FGFR1OP2: variants seen among roughly 807,000 people sequenced by gnomAD.
The protein encoded by FGFR1OP2 is FGFR1 oncogene partner 2, also known as fibroblast growth factor receptor 1 oncogene partner 2.
FGFR1OP2 carries 17 observed loss-of-function variants against 35.2 expected under a neutral mutation model. That is an observed-to-expected ratio of 0.48 (90% CI 0.33 to 0.73). FGFR1OP2 has a LOEUF of 0.73. Ranked by LOEUF, FGFR1OP2 falls within the 30% of genes least tolerant of loss-of-function variation. FGFR1OP2 has a pLI of 0.02. For missense variants in FGFR1OP2, 251 were observed against 307.3 expected, an observed-to-expected ratio of 0.82 and a Z score of 1.37; for synonymous variants, 105 against 104.6, an observed-to-expected ratio of 1.00 and a Z score of -0.03.
Position 26,938,496 on chromosome 12 carries a change from CGGTCGGCGGA to C in FGFR1OP2, c.-225_-216del, listed in dbSNP as rs1266521711. 3.9e-5 allele frequency: 6 copies of C among 152,302 alleles called. No homozygotes were observed. The highest frequency in any genetic ancestry group is 1.2e-4 in the African/African-American group (5 of 41,454). The allele number at this position is 152,302 out of a possible 1,614,324, so 9.4% of individuals were successfully genotyped here. A position where few individuals can be genotyped will look rare whatever the true frequency, so the allele number is the denominator to read the frequency against. ...GTTCTCCGGGAGCGCCGGTCGGAGG[CGGTCGGCGGA>C]GGTGTCTACCCCGCCGGTGATGGCG... is the stretch of plus-strand genomic sequence containing the variant. On this transcript the variant is annotated 5_prime_UTR_variant, in exon 1 of 7. Transcript: ENST00000229395.
chr12:26,960,735 G>T, intron 5 of FGFR1OP2, 107 bp downstream of exon 5: 3 of 1,422,516 alleles, frequency 2.1e-6, no homozygotes, highest in Non-Finnish European at 1.9e-6. Context: ...GCAAATAAAT[G>T]AAATTTATTA....
chr12:26,959,081 T>C (rs1939065727), intron 4 of FGFR1OP2, among the ~76,000 whole-genome samples: 1 of 152,110 alleles, frequency 6.6e-6, no homozygotes, highest in Admixed American at 6.5e-5. Context: ...ATTAATTCTA[T>C]TAGAATTAAA....
At chr12:26,964,364 TTAAG>T (rs1447446689) in intron 6 of FGFR1OP2, among the ~76,000 whole-genome samples, 10 of 152,174 alleles carry the variant, frequency 6.6e-5, no homozygotes, top group South Asian at 2.1e-4. Flanking sequence ...TTATAGCTGC[TTAAG>T]TAAGAAGGCT....
intron 1 of FGFR1OP2, among the ~76,000 whole-genome samples, chr12:26,943,192 T>C (rs1000167621): frequency 6.6e-6 from 1 of 152,228 alleles, no homozygotes; most frequent in African/African-American, 2.4e-5. Flanking sequence ...CACCATTTGT[T>C]GAAAAAAGCC....
chr12:26,954,780 C>T lies in FGFR1OP2; in HGVS notation c.135+487C>T, dbSNP rs142117545. On this transcript the variant is annotated intron_variant, in intron 2 of 6. Coordinates refer to ENST00000229395, the MANE Select transcript of FGFR1OP2 (RefSeq NM_015633.3). ...CTACCTTATTTTTCATTCAGTGCTA[C>T]CAATTAAAGAATACATAAGGGCTTT... is the stretch of plus-strand genomic sequence containing the variant. Among the ~76,000 whole-genome samples the T allele has an allele frequency of 4.2e-3, 646 of 152,236 alleles. 8 individuals carry two copies. The highest frequency in any genetic ancestry group is 0.014 in the African/African-American group (602 of 41,528).
intron 1 of FGFR1OP2, among the ~76,000 whole-genome samples, chr12:26,939,751 G>A (rs750688185): frequency 7.2e-5 from 11 of 152,164 alleles, no homozygotes; most frequent in Non-Finnish European, 1.6e-4. Flanking sequence ...GGTCTGTCTG[G>A]AATCATGTCT....
At chr12:26,947,931 A>G (rs12582211) in intron 1 of FGFR1OP2, among the ~76,000 whole-genome samples, 9,242 of 152,070 alleles carry the variant, frequency 0.061, 438 homozygotes, top group East Asian at 0.2. Flanking sequence ...GGGTTATTGA[A>G]CACTTTTTAA....
At chr12:26,960,135 T>TTAATA (rs765504814) in intron 4 of FGFR1OP2, among the ~76,000 whole-genome samples, 1 of 151,988 alleles carries the variant, frequency 6.6e-6, no homozygotes, top group African/African-American at 2.4e-5. Context: ...AGTATGGTAT[T>TTAATA]GTAGGGTGTG....
At chr12:26,964,540 ATGT>A in intron 6 of FGFR1OP2, 53 bp from the exon 7 acceptor site, 2 of 1,570,436 alleles carry the variant, frequency 1.3e-6, no homozygotes, top group Non-Finnish European at 1.7e-6. Context: ...TATGTTTGTG[ATGT>A]TGTAGCTACC....
At chr12:26,963,642 A>G (rs1939134904) in intron 6 of FGFR1OP2, among the ~76,000 whole-genome samples, 187 bp downstream of exon 6, 2 of 152,196 alleles carry the variant, frequency 1.3e-5, no homozygotes, top group African/African-American at 4.8e-5. Flanking sequence ...GATTATTAGT[A>G]ACTTACAATA....
intron 6 of FGFR1OP2, among the ~76,000 whole-genome samples, 198 bp from the exon 7 acceptor site, chr12:26,964,398 T>C (rs907447462): frequency 6.6e-6 from 1 of 152,276 alleles, no homozygotes; most frequent in African/African-American, 2.4e-5. Flanking sequence ...TGGAAGATGT[T>C]GAACACGATT....
At chr12:26,941,151 C>G (rs758940842) in intron 1 of FGFR1OP2, among the ~76,000 whole-genome samples, 8 of 151,924 alleles carry the variant, frequency 5.3e-5, no homozygotes, top group African/African-American at 1.7e-4. Context: ...TTGGACCCGC[C>G]TATAGAAAAT....
intron 4 of FGFR1OP2, among the ~76,000 whole-genome samples, chr12:26,958,287 G>C (rs1427423871): frequency 1.3e-5 from 2 of 152,178 alleles, no homozygotes; most frequent in Non-Finnish European, 2.9e-5. Context: ...CTTCAGCTCA[G>C]GAGTTTGAGG....
intron 1 of FGFR1OP2, among the ~76,000 whole-genome samples, chr12:26,947,617 A>G (rs1266966313): frequency 1.3e-5 from 2 of 152,110 alleles, no homozygotes; most frequent in South Asian, 4.1e-4. Context: ...CCTGGGCTCA[A>G]GCAATCCTCC....
chr12:26,959,182 A>C (rs886675716), intron 4 of FGFR1OP2, among the ~76,000 whole-genome samples: 2 of 152,092 alleles, frequency 1.3e-5, no homozygotes, highest in African/African-American at 4.8e-5. Context: ...TAATAAATTA[A>C]ATTAAAAATT....
intron 6 of FGFR1OP2, 38 bp from the exon 7 acceptor site, chr12:26,964,558 A>G: frequency 1.2e-6 from 2 of 1,601,448 alleles, no homozygotes; most frequent in Non-Finnish European, 1.7e-6. Flanking sequence ...GCTACCTTGT[A>G]GATAGTGACT....
chr12:26,945,861 C>CA lies in FGFR1OP2; in HGVS notation c.-15+7169dup, dbSNP rs74728377. ...GGGCAACAAGAGTGAAACTCCGTCT[C>CA]AAAAAAAAAAAAAAAAAAGCATAAT... On this transcript the variant is annotated intron_variant, in intron 1 of 6. Coordinates refer to ENST00000229395, the MANE Select transcript of FGFR1OP2 (RefSeq NM_015633.3). 4.7e-3 allele frequency among the ~76,000 whole-genome samples: 380 copies of CA among 81,064 alleles called. 3 individuals carry two copies. The highest frequency in any genetic ancestry group is 0.045 in the South Asian group (130 of 2,872). 53.2% of individuals were successfully genotyped at this position (81,064 alleles called of 152,430 possible).
chr12:26,950,137 A>G (rs1938895913), intron 1 of FGFR1OP2, among the ~76,000 whole-genome samples: 1 of 150,166 alleles, frequency 6.7e-6, no homozygotes, highest in African/African-American at 2.5e-5. Flanking sequence ...GGTATCTACA[A>G]TATTGTTTCT....
At chr12:26,943,342 C>T (rs1855455023) in intron 1 of FGFR1OP2, among the ~76,000 whole-genome samples, 1 of 152,126 alleles carries the variant, frequency 6.6e-6, no homozygotes, top group African/African-American at 2.4e-5. Context: ...AAGTCTTAAA[C>T]TTTGGTAGTG....
Sources: allele counts gnomAD v4.1 joint callset (sites outside exome capture counted in the v4.1 genomes callset), GRCh38; gene constraint gnomAD v4.1.1; transcripts MANE v1.5; gene names NCBI Gene and HGNC (gene_info 2026-07-23, HGNC 2026-07-21).